PKD2L2: variants seen among roughly 807,000 people sequenced by gnomAD.
The protein encoded by PKD2L2 is polycystin-2-like protein 2.
A neutral mutation model predicts 83.9 loss-of-function variants in PKD2L2; 67 were observed. The ratio of observed to expected loss-of-function variants is 0.80; its 90% confidence interval spans 0.66 to 0.98. PKD2L2 has a LOEUF of 0.98. Among genes scored for constraint, PKD2L2 ranks in the 50% least tolerant of loss-of-function variants. The pLI, the probability that PKD2L2 is intolerant of heterozygous loss-of-function variation, is 0.00. For synonymous variants in PKD2L2, 223 were observed against 237.8 expected, an observed-to-expected ratio of 0.94 and a Z score of 0.57; for missense variants, 632 against 717.2, an observed-to-expected ratio of 0.88 and a Z score of 1.36.
chr5:137,907,904 T>C lies in PKD2L2; in HGVS notation c.1138T>C (p.Trp380Arg), dbSNP rs368484291. 2.0e-5 allele frequency: 27 copies of C among 1,333,780 alleles called. No homozygotes were observed. Among genetic ancestry groups the C allele is most frequent in the African/African-American group, 2.9e-5 (2 of 68,670 alleles). The allele number at this position is 1,333,780 out of a possible 1,614,324, so 82.6% of individuals were successfully genotyped here. ...AATTGCTATTACCATCTTTTTTGCA[T>C]GGATAAAGGTATTTATATTTCATTA... ...NIIAITIFFA[W>R]IKIFKFISFN... is the part of the protein sequence containing the mutation. Residue 380 changes from tryptophan to arginine, a missense_variant, in exon 7 of 15, where the codon TGG (tryptophan) becomes CGG (arginine). Trp to Arg is a moderately radical substitution (Grantham distance 101). Coordinates refer to ENST00000508883, the MANE Select transcript of PKD2L2 (RefSeq NM_001300921.2).
intron 8 of PKD2L2, among the ~76,000 whole-genome samples, chr5:137,912,467 A>G (rs1757916781): frequency 6.6e-6 from 1 of 152,048 alleles, no homozygotes; most frequent in Non-Finnish European, 1.5e-5. Flanking sequence ...CCTAGGTTCA[A>G]GTGATTCTCC....
Position 137,899,345 on chromosome 5 carries a change from G to A in PKD2L2, c.525-171G>A, listed in dbSNP as rs1049980068. On this transcript the variant is annotated intron_variant, in intron 4 of 14. Coordinates refer to ENST00000508883, the MANE Select transcript of PKD2L2 (RefSeq NM_001300921.2). ...TTGCCCAGGCTGGTCTCGAACTCCT[G>A]GGCTCAAGGGATCCGCCTACCTCGG... 4.6e-5 allele frequency among the ~76,000 whole-genome samples: 7 copies of A among 152,284 alleles called. No homozygotes were observed. The East Asian group carries it at 1.3e-3, about 29-fold the overall frequency.
intron 5 of PKD2L2, among the ~76,000 whole-genome samples, chr5:137,905,367 A>C (rs1443048770): frequency 6.6e-6 from 1 of 152,196 alleles, no homozygotes; most frequent in Non-Finnish European, 1.5e-5. Context: ...TCTACACTTC[A>C]GATCATAATA....
Position 137,899,511 on chromosome 5 carries a change from A to G in PKD2L2, c.525-5A>G. Reference sequence around the variant, plus strand: ...TTTCACCATTATTCTTTTTATGTGTAACAGATGGAGATATTCTACTTCTAA... The same window carrying G: ...TTTCACCATTATTCTTTTTATGTGTGACAGATGGAGATATTCTACTTCTAA... On this transcript the variant is annotated splice_polypyrimidine_tract_variant and splice_region_variant and intron_variant, in intron 4 of 14. Coordinates refer to ENST00000508883, the MANE Select transcript of PKD2L2 (RefSeq NM_001300921.2). 2.6e-6 allele frequency: 4 copies of G among 1,531,500 alleles called. No homozygotes were observed. Among genetic ancestry groups the G allele is most frequent in the Non-Finnish European group, 2.7e-6 (3 of 1,107,006 alleles). 94.9% of individuals were successfully genotyped at this position (1,531,500 alleles called of 1,614,324 possible).
At position 137,925,921 on chromosome 5, in the gene PKD2L2, G is replaced by C; in HGVS notation, c.1663G>C (p.Asp555His). 1 of 1,587,394 alleles carries C rather than the reference G, an allele frequency of 6.3e-7. No individual in the cohort carries two copies. Residue 555 changes from aspartate to histidine, a missense_variant, in exon 12 of 15, where the codon GAC (aspartate) becomes CAC (histidine). Coordinates refer to ENST00000508883, the MANE Select transcript of PKD2L2 (RefSeq NM_001300921.2). ...LAEQARREGF[D>H]ENEIQNAEQM... ...TGAACAAGCCAGAAGAGAAGGCTTT[G>C]ACGAAAATGTAAGATTTTAATTTTT...
chr5:137,940,124 G>A (rs1266807055), intron 14 of PKD2L2: 2 of 1,613,938 alleles, frequency 1.2e-6, no homozygotes, highest in Non-Finnish European at 1.7e-6. Flanking sequence ...GAGATTCTCT[G>A]AGTGCCTGAC....
At chr5:137,910,945 CA>C (rs1353026896) in intron 8 of PKD2L2, among the ~76,000 whole-genome samples, 1 of 152,066 alleles carries the variant, frequency 6.6e-6, no homozygotes, top group Non-Finnish European at 1.5e-5. Context: ...GCCCCTTTTT[CA>C]ATATTTTTAT....
rs1336018853 is a variant in PKD2L2, at chr5:137,892,034, T to G, written c.134-446T>G. Among the ~76,000 whole-genome samples, 7 of 152,234 alleles carry G rather than the reference T, an allele frequency of 4.6e-5. No homozygotes were observed. In the East Asian group the frequency reaches 7.7e-4, roughly 17 times the overall value. ...TCATGTGCCAAAACACAGTTTAAAA[T>G]GTTCTGTGTGCATCATCTCACTTCT... On this transcript the variant is annotated intron_variant, in intron 2 of 14. Coordinates refer to ENST00000508883, the MANE Select transcript of PKD2L2 (RefSeq NM_001300921.2).
chr5:137,926,182 T>C (rs553586046), intron 12 of PKD2L2, among the ~76,000 whole-genome samples: 2 of 152,334 alleles, frequency 1.3e-5, no homozygotes, highest in Admixed American at 1.3e-4. Context: ...TGTGTGAATA[T>C]CACACTGGGT....
At chr5:137,935,737 C>T (rs1218156028) in intron 12 of PKD2L2, 60 bp from the exon 13 acceptor site, 2 of 885,698 alleles carry the variant, frequency 2.3e-6, no homozygotes, top group Admixed American at 2.0e-5. Context: ...TGCTTGTGTG[C>T]CAAAGACTTG....
intron 8 of PKD2L2, among the ~76,000 whole-genome samples, chr5:137,912,836 C>CTTTTTTTTTTTTTTTT (rs1757962978): frequency 2.5e-5 from 1 of 39,278 alleles, no homozygotes; most frequent in Non-Finnish European, 4.9e-5. Context: ...TGGAGTTTTG[C>CTTTTTTTTTTTTTTTT]TTTTGTTGCC....
At chr5:137,932,758 A>T (rs1759980090) in intron 12 of PKD2L2, among the ~76,000 whole-genome samples, 2 of 152,168 alleles carry the variant, frequency 1.3e-5, no homozygotes, top group African/African-American at 4.8e-5. Flanking sequence ...GGATGTTGGA[A>T]TATCTGCATT....
At chr5:137,890,915 TAG>T (rs1755915029) in intron 2 of PKD2L2, among the ~76,000 whole-genome samples, 1 of 152,124 alleles carries the variant, frequency 6.6e-6, no homozygotes, top group Admixed American at 6.6e-5. Context: ...TGATTTTGTT[TAG>T]AGTCATATAG....
At chr5:137,917,127 G>T (rs1168621645) in intron 8 of PKD2L2, among the ~76,000 whole-genome samples, 2 of 149,686 alleles carry the variant, frequency 1.3e-5, no homozygotes, top group Non-Finnish European at 3.0e-5. Flanking sequence ...CTACTTGATG[G>T]TGTCCTGCAG....
intron 12 of PKD2L2, among the ~76,000 whole-genome samples, chr5:137,931,093 C>T (rs1277884622): frequency 6.6e-6 from 1 of 151,990 alleles, no homozygotes; most frequent in African/African-American, 2.4e-5. Context: ...ATGAAAATAA[C>T]ATTTGAAAAA....
At chr5:137,916,557 G>A (rs943064102) in intron 8 of PKD2L2, among the ~76,000 whole-genome samples, 4 of 128,134 alleles carry the variant, frequency 3.1e-5, no homozygotes, top group Admixed American at 9.8e-5. Context: ...TCAGCTCACC[G>A]CAGCCTCAAT....
chr5:137,899,767 C>A, intron 5 of PKD2L2, 30 bp downstream of exon 5: 3 of 1,346,848 alleles, frequency 2.2e-6, no homozygotes, highest in South Asian at 1.2e-5. Context: ...TTTTCATAGA[C>A]AGTGGTCAAT....
intron 12 of PKD2L2, among the ~76,000 whole-genome samples, chr5:137,928,607 T>G (rs770469408): frequency 2.0e-5 from 3 of 152,170 alleles, no homozygotes; most frequent in Non-Finnish European, 4.4e-5. Flanking sequence ...AAATTTTGTG[T>G]TTTTTGTACA....
intron 4 of PKD2L2, among the ~76,000 whole-genome samples, chr5:137,898,788 G>A (rs1341969109): frequency 1.3e-5 from 2 of 151,780 alleles, no homozygotes; most frequent in Non-Finnish European, 2.9e-5. Flanking sequence ...CTGGAGTGCG[G>A]TAGTGCAATC....
Sources: gnomAD v4.1 joint callset for allele counts (sites outside exome capture counted in the v4.1 genomes callset) on GRCh38, gnomAD v4.1.1 for gene constraint, MANE v1.5 for transcripts, NCBI Gene and HGNC (gene_info 2026-07-23, HGNC 2026-07-21) for gene names.